The following LRCH1 variants were observed in gnomAD, a reference collection of about 807,000 sequenced individuals.
LRCH1 encodes leucine rich repeats and calponin homology domain containing 1.
In LRCH1, 23 loss-of-function variants were observed where a neutral mutation model predicts 94.9. The observed-to-expected ratio is 0.24, with a 90% CI of 0.17 to 0.34. LRCH1 has a LOEUF of 0.34. Among genes scored for constraint, LRCH1 ranks in the 10% least tolerant of loss-of-function variants. The pLI is 1.00. For missense variants in LRCH1, 790 were observed against 945.9 expected (o/e 0.84, Z 2.16); for synonymous variants, 364 against 354.9 (o/e 1.03, Z -0.29).
chr13:46,623,538 C>CT (rs897517971), intron 1 of LRCH1, among the ~76,000 whole-genome samples: 9 of 151,442 alleles, frequency 5.9e-5, no homozygotes, highest in Admixed American at 4.6e-4. Context: ...CTTTTTGGTG[C>CT]TTTTTTTGTT....
chr13:46,750,673 G>C, exon 19 of LRCH1: 1 of 1,471,434 alleles, frequency 6.8e-7, no homozygotes, highest in South Asian at 1.2e-5. Flanking sequence ...TCCATTGGGG[G>C]CTCAGACTCT....
chr13:46,554,697 G>T (rs1225044040), intron 1 of LRCH1, among the ~76,000 whole-genome samples: 1 of 152,218 alleles, frequency 6.6e-6, no homozygotes, highest in Non-Finnish European at 1.5e-5. Flanking sequence ...TGGTGGAATA[G>T]GATTGGGGCC....
chr13:46,557,956 A>G (rs949042786), intron 1 of LRCH1, among the ~76,000 whole-genome samples: 1 of 152,102 alleles, frequency 6.6e-6, no homozygotes, highest in African/African-American at 2.4e-5. Context: ...TGAGGTGGGA[A>G]GCCCATAGGT....
intron 1 of LRCH1, among the ~76,000 whole-genome samples, chr13:46,596,913 C>G (rs1868286173): frequency 1.3e-5 from 2 of 152,160 alleles, no homozygotes; most frequent in South Asian, 4.1e-4. Flanking sequence ...TAGCTCAGAG[C>G]CCTTGAATTT....
At chr13:46,596,044 G>A (rs2050559321) in intron 1 of LRCH1, among the ~76,000 whole-genome samples, 1 of 152,182 alleles carries the variant, frequency 6.6e-6, no homozygotes, top group African/African-American at 2.4e-5. Flanking sequence ...AACCAGTTTT[G>A]AGACTTTAAA....
In LRCH1 at chr13:46,742,900, G is replaced by A; in HGVS notation, c.*1052G>A. On this transcript the variant is annotated 3_prime_UTR_variant, in exon 20 of 20. Coordinates refer to ENST00000389797, the MANE Select transcript of LRCH1 (RefSeq NM_001164211.2). ...GTTCATTTAGCCTTTGATTTTCACT[G>A]ATATTAACTAGCAAACTGCTTTAAG... is the stretch of plus-strand genomic sequence containing the variant. 3.0e-6 allele frequency: 3 copies of A among 985,084 alleles called. No homozygotes were observed. The highest frequency in any genetic ancestry group is 3.6e-6 in the Non-Finnish European group (3 of 829,648). The allele number at this position is 985,084 out of a possible 1,614,324, so 61.0% of individuals were successfully genotyped here.
Position 46,743,514 on chromosome 13 carries a change from G to A in LRCH1, c.*1666G>A, listed in dbSNP as rs1873770658. ...GGTGCTATCTTGTACTCTTCAATCT[G>A]TAACACAATAAAATCCCTTTGTACG... On this transcript the variant is annotated 3_prime_UTR_variant, in exon 20 of 20. Coordinates refer to ENST00000389797, the MANE Select transcript of LRCH1 (RefSeq NM_001164211.2). The A allele has an allele frequency of 3.0e-6, 3 of 985,760 alleles. No homozygotes were observed. In the African/African-American group the frequency reaches 5.2e-5, roughly 17 times the overall value. The allele number at this position is 985,760 out of a possible 1,614,324, so 61.1% of individuals were successfully genotyped here.
At position 46,681,730 on chromosome 13, in the gene LRCH1, T is replaced by A; in HGVS notation, c.580-11T>A. On this transcript the variant is annotated splice_polypyrimidine_tract_variant and intron_variant, in intron 3 of 19. Transcript: ENST00000389797. ...AGATGTTTATTATTTCTCTCTCTGC[T>A]TTTGATACAGGATGTCAGCTGCAAC... The A allele has an allele frequency of 6.3e-7, 1 of 1,576,298 alleles. No homozygotes were observed. The highest frequency in any genetic ancestry group is 8.7e-7 in the Non-Finnish European group (1 of 1,145,576).
chr13:46,744,962 C>G, downstream of LRCH1: 1 of 927,076 alleles, frequency 1.1e-6, no homozygotes, highest in Non-Finnish European at 1.3e-6. Context: ...TTCACTGTGA[C>G]TTTGTTCATT....
intron 2 of LRCH1, among the ~76,000 whole-genome samples, chr13:46,658,004 T>C (rs894532206): frequency 6.6e-6 from 1 of 152,130 alleles, no homozygotes; most frequent in Non-Finnish European, 1.5e-5. Flanking sequence ...ATTTTATAGG[T>C]CACTAAGCAC....
At chr13:46,560,406 C>T (rs750828880) in intron 1 of LRCH1, among the ~76,000 whole-genome samples, 7 of 151,972 alleles carry the variant, frequency 4.6e-5, no homozygotes, top group East Asian at 1.9e-4. Context: ...GAAAATTGAA[C>T]GTCTGTCTTG....
At chr13:46,556,650 C>G (rs1304801094) in intron 1 of LRCH1, among the ~76,000 whole-genome samples, 1 of 152,104 alleles carries the variant, frequency 6.6e-6, no homozygotes, top group African/African-American at 2.4e-5. Flanking sequence ...AAGACTGAGA[C>G]AGAGACAAGT....
At chr13:46,576,470 A>G (rs1383828161) in intron 1 of LRCH1, among the ~76,000 whole-genome samples, 1 of 152,206 alleles carries the variant, frequency 6.6e-6, no homozygotes, top group Non-Finnish European at 1.5e-5. Flanking sequence ...CCCTATGCCA[A>G]TGATCTGTGC....
intron 18 of LRCH1, 136 bp from the exon 19 acceptor site, chr13:46,733,785 T>G: frequency 1.8e-6 from 1 of 546,454 alleles, no homozygotes. Flanking sequence ...TTTTCTTCTA[T>G]TTGCTTATGT....
At chr13:46,749,583 T>C (rs2794661), downstream of LRCH1, among the ~76,000 whole-genome samples, 126,647 of 152,158 alleles carry the variant, frequency 0.83, 53,050 homozygotes, top group Middle Eastern at 0.89. Flanking sequence ...CAAAATATCA[T>C]GCTGGACACC....
chr13:46,744,078 C>T lies in LRCH1; in HGVS notation c.*2230C>T, dbSNP rs1160163593. On this transcript the variant is annotated 3_prime_UTR_variant, in exon 20 of 20. Coordinates refer to ENST00000389797, the MANE Select transcript of LRCH1 (RefSeq NM_001164211.2). ...TTGAATGAACTGTTCTGTCCATTGC[C>T]AACCCATTAATTTCTAATCAGAATA... The T allele has an allele frequency of 1.0e-6, 1 of 985,162 alleles. No individual in the cohort carries two copies. The highest frequency in any genetic ancestry group is 1.1e-4 in the East Asian group (1 of 8,818). 61.0% of individuals were successfully genotyped at this position (985,162 alleles called of 1,614,324 possible).
chr13:46,728,970 C>CCATCACCAGCGGTTGTAAGTAACACCAA lies in LRCH1; in HGVS notation c.1994_2007+14dup. The CCATCACCAGCGGTTGTAAGTAACACCAA allele has an allele frequency of 1.9e-6, 3 of 1,612,710 alleles. No individual in the cohort carries two copies. Among genetic ancestry groups the CCATCACCAGCGGTTGTAAGTAACACCAA allele is most frequent in the Non-Finnish European group, 1.7e-6 (2 of 1,179,308 alleles). The stretch of plus-strand genomic sequence containing the variant: ...ACGGTCGGTTGCAAGCATCCATGTC[C>CCATCACCAGCGGTTGTAAGTAACACCAA]CATCACCAGCGGTTGTAAGTAACAC... On this transcript the variant is annotated frameshift_variant, in exon 18 of 20. Coordinates refer to ENST00000389797, the MANE Select transcript of LRCH1 (RefSeq NM_001164211.2). LOFTEE classifies it high-confidence loss of function.
intron 17 of LRCH1, 145 bp downstream of exon 17, chr13:46,723,475 TA>T: frequency 1.5e-6 from 1 of 649,308 alleles, no homozygotes; most frequent in Non-Finnish European, 2.7e-6. Context: ...GCAAGCCACT[TA>T]ACAACCCTGA....
At chr13:46,701,008 C>G (rs555328039) in intron 10 of LRCH1, 113 bp from the exon 11 acceptor site, 55 of 700,656 alleles carry the variant, frequency 7.8e-5, no homozygotes, top group South Asian at 6.3e-4. Context: ...CTGAATCTGT[C>G]GAAATCATTT....
Sources: gnomAD v4.1 joint callset for allele counts (sites outside exome capture counted in the v4.1 genomes callset) on GRCh38, gnomAD v4.1.1 for gene constraint, MANE v1.5 for transcripts, NCBI Gene and HGNC (gene_info 2026-07-23, HGNC 2026-07-21) for gene names.